ZNF677: variants seen among roughly 807,000 people sequenced by gnomAD.
ZNF677 encodes the protein hypothetical protein MGC48625.
ZNF677 carries 5 observed loss-of-function variants against 8.1 expected under a neutral mutation model. The ratio of observed to expected loss-of-function variants is 0.62; its 90% confidence interval spans 0.32 to 1.29. The LOEUF is 1.29. ZNF677 is among the 50% of genes most tolerant of loss of function. The pLI, the probability that ZNF677 is intolerant of heterozygous loss-of-function variation, is 0.05. For synonymous variants in ZNF677, 221 were observed against 225.6 expected (o/e 0.98, Z 0.18); for missense variants, 685 against 685.9 (o/e 1.00, Z 0.01).
chr19:53,242,247 A>G, intron 4 of ZNF677: 1 of 398,546 alleles, frequency 2.5e-6, no homozygotes, highest in Non-Finnish European at 4.4e-6. Context: ...GTGTATTTCA[A>G]AAGCAACTTT....
intron 4 of ZNF677, chr19:53,239,301 A>T (rs1416787231): frequency 6.6e-6 from 1 of 152,244 alleles, no homozygotes; most frequent in Non-Finnish European, 1.5e-5. Flanking sequence ...GAAATTCTAA[A>T]GAATTACTGC....
intron 4 of ZNF677, 65 bp downstream of exon 4, chr19:53,243,679 C>T (rs1200328757): frequency 1.2e-6 from 2 of 1,603,950 alleles, no homozygotes; most frequent in South Asian, 2.2e-5. Context: ...CGGATTCAGA[C>T]AAGCACATCA....
At chr19:53,248,879 T>C (rs1204361392) in intron 3 of ZNF677, among the ~76,000 whole-genome samples, 1 of 152,220 alleles carries the variant, frequency 6.6e-6, no homozygotes, top group Non-Finnish European at 1.5e-5. Flanking sequence ...TCTTCAAATA[T>C]TCTTTCTGCC....
At chr19:53,254,252 T>C (rs8107688) in intron 1 of ZNF677, among the ~76,000 whole-genome samples, 48,249 of 151,518 alleles carry the variant, frequency 0.32, 9,161 homozygotes, top group African/African-American at 0.52. Context: ...CTATAAATGT[T>C]TCTCTTCCAC....
chr19:53,238,007 ATATT>A lies in ZNF677; in HGVS notation c.716_719del (p.Lys239IlefsTer5). 6.2e-7 allele frequency: 1 copy of A among 1,613,478 alleles called. No individual in the cohort carries two copies. The highest frequency in any genetic ancestry group is 8.5e-7 in the Non-Finnish European group (1 of 1,179,834). On this transcript the variant is annotated frameshift_variant, in exon 5 of 5. Transcript: ENST00000598513. LOFTEE classifies it low-confidence loss of function (END_TRUNC). Reference sequence around the variant, plus strand: ...ATAAAGGGTATTTCAAAATCTTCCTATATTTATTACAAATGTTTTTGACACAAGG... The same window carrying A: ...ATAAAGGGTATTTCAAAATCTTCCTATATTACAAATGTTTTTGACACAAGG...
At chr19:53,246,089 C>A (rs557722684) in intron 3 of ZNF677, among the ~76,000 whole-genome samples, 1 of 152,044 alleles carries the variant, frequency 6.6e-6, no homozygotes, top group African/African-American at 2.4e-5. Flanking sequence ...AAGGCCAAGG[C>A]GGATGGATCA....
At chr19:53,250,689 G>A (rs2091220533) in intron 3 of ZNF677, among the ~76,000 whole-genome samples, 1 of 152,156 alleles carries the variant, frequency 6.6e-6, no homozygotes, top group South Asian at 2.1e-4. Context: ...GGTGGGAGGA[G>A]GGAGAGGATC....
rs753122503 is a variant in ZNF677 at position 53,237,271 on chromosome 19, G to A, written c.1456C>T (p.Pro486Ser). The change falls in exon 5 of 5, where the codon CCT becomes TCT. Residue 486 changes from proline (P) to serine (S), a missense_variant. Transcript: ENST00000598513. ...TTGCCACATTCAGTACATTTGTAAG[G>A]TTTCTCTCCAGTATGAGTTCTCTGA... ...GHQRTHTGEK[P>S]YKCTECGKAF... 37 of 1,613,628 alleles carry A rather than the reference G, an allele frequency of 2.3e-5. No individual in the cohort carries two copies. Among genetic ancestry groups the A allele is most frequent in the Non-Finnish European group, 3.1e-5 (36 of 1,179,924 alleles).
chr19:53,249,262 T>C (rs1336698493), intron 3 of ZNF677: 1 of 152,214 alleles, frequency 6.6e-6, no homozygotes. Flanking sequence ...TTTTAGTAAG[T>C]GTAATGTCTG....
rs1412026588 is a variant in ZNF677 at position 53,237,339 on chromosome 19, T to A, written c.1388A>T (p.Lys463Ile). The change falls in exon 5 of 5, where the codon AAA (lysine) becomes ATA (isoleucine). Residue 463 changes from lysine (K) to isoleucine (I), a missense_variant. Transcript: ENST00000598513. ...HTGEKPYKCN[K>I]CDKAFIKRSH... ...ACGTTTGATAAAAGCTTTATCACATTTATTACATTTGTAAGGTTTTTCTCC... is the reference window on the plus strand; with the variant it reads ...ACGTTTGATAAAAGCTTTATCACATATATTACATTTGTAAGGTTTTTCTCC... 5.0e-6 allele frequency: 8 copies of A among 1,613,718 alleles called. No homozygotes were observed. Among genetic ancestry groups the A allele is most frequent in the Non-Finnish European group, 6.8e-6 (8 of 1,179,962 alleles).
At chr19:53,242,056 C>T (rs1339180853) in intron 4 of ZNF677, 3 of 394,388 alleles carry the variant, frequency 7.6e-6, no homozygotes, top group Non-Finnish European at 1.3e-5. Context: ...CTCAGCCTCC[C>T]GAGCAGCTGG....
chr19:53,243,842 C>T lies in ZNF677; in HGVS notation c.71G>A (p.Cys24Tyr), dbSNP rs763968198. ...AIEFSQEEWE[C>Y]LDPAQRALYR... ...CAAGGCCCTCTGGGCAGGGTCCAGGCACTCCCACTCCTCTTGAGAGAATTC... is the reference window on the plus strand; with the variant it reads ...CAAGGCCCTCTGGGCAGGGTCCAGGTACTCCCACTCCTCTTGAGAGAATTC... Residue 24 changes from cysteine (C) to tyrosine (Y), a missense_variant, in exon 4 of 5, where the codon TGC becomes TAC. Coordinates refer to ENST00000598513, the MANE Select transcript of ZNF677 (RefSeq NM_182609.4). 7 of 1,613,228 alleles carry T rather than the reference C, an allele frequency of 4.3e-6. No individual in the cohort carries two copies. In the African/African-American group the frequency reaches 9.3e-5, roughly 22 times the overall value.
rs1042093440 is a variant in ZNF677, at chr19:53,254,854, G to A, written c.-147C>T. On this transcript the variant is annotated 5_prime_UTR_variant, in exon 1 of 5. Transcript: ENST00000598513. The stretch of plus-strand genomic sequence containing the variant: ...CTCACCCGAGAGCGCCAGTAGCCCC[G>A]CGAGATCCGCTTCCGGGTCGGCAGG... The A allele has an allele frequency of 1.3e-5, 2 of 152,654 alleles. No individual in the cohort carries two copies. The highest frequency in any genetic ancestry group is 2.9e-5 in the Non-Finnish European group (2 of 68,096). 9.5% of individuals were successfully genotyped at this position (152,654 alleles called of 1,614,324 possible).
chr19:53,239,361 T>G (rs575070693), intron 4 of ZNF677: 2 of 152,266 alleles, frequency 1.3e-5, no homozygotes, highest in African/African-American at 4.8e-5. Context: ...AAAAATAATA[T>G]GTTGAGAATC....
chr19:53,253,715 GC>G (rs2091270929), intron 1 of ZNF677, among the ~76,000 whole-genome samples: 1 of 151,874 alleles, frequency 6.6e-6, no homozygotes, highest in East Asian at 1.9e-4. Context: ...ATAAAAGAAA[GC>G]AAAAGAAAGC....
Position 53,251,587 on chromosome 19 carries a change from C to CT in ZNF677, c.-38dup, listed in dbSNP as rs760200482. Reference sequence around the variant, plus strand: ...CTTTCTTTCCTCTTCCTCTGAGTTTCTTTCTCAGGTAAGTCAGTCTGTATG... The same window carrying CT: ...CTTTCTTTCCTCTTCCTCTGAGTTTCTTTTCTCAGGTAAGTCAGTCTGTATG... On this transcript the variant is annotated 5_prime_UTR_variant, in exon 3 of 5. Transcript: ENST00000598513. 1.3e-5 allele frequency: 21 copies of CT among 1,613,324 alleles called. No homozygotes were observed. In the African/African-American group the frequency reaches 1.6e-4, roughly 12 times the overall value.
At chr19:53,248,782 A>T (rs1002209737) in intron 3 of ZNF677, among the ~76,000 whole-genome samples, 2 of 152,150 alleles carry the variant, frequency 1.3e-5, no homozygotes, top group East Asian at 3.9e-4. Context: ...GTGGATCTCT[A>T]TAAGTTTATC....
rs2090999860 is a variant in ZNF677 at position 53,238,391 on chromosome 19, A to G, written c.336T>C (p.Tyr112=). 6.2e-7 allele frequency: 1 copy of G among 1,613,794 alleles called. No individual in the cohort carries two copies. Among genetic ancestry groups the G allele is most frequent in the Non-Finnish European group, 8.5e-7 (1 of 1,179,896 alleles). ...GCATTCCTTTGTAATTTTTTACATCATAGTCCCACAGGCTGTCAAACTTAG... is the reference window on the plus strand; with the variant it reads ...GCATTCCTTTGTAATTTTTTACATCGTAGTCCCACAGGCTGTCAAACTTAG... ...NMPKFDSLWD[Y]DVKNYKGMPL... Residue 112 remains tyrosine (Y), a synonymous_variant, in exon 5 of 5, where the codon TAT becomes TAC. Transcript: ENST00000598513.
At chr19:53,246,263 A>C (rs1294036531) in intron 3 of ZNF677, among the ~76,000 whole-genome samples, 1 of 143,520 alleles carries the variant, frequency 7.0e-6, no homozygotes, top group African/African-American at 2.7e-5. Context: ...GCTTGCAGTG[A>C]GCCAAGATCG....
Sources: gnomAD v4.1 joint callset for allele counts (sites outside exome capture counted in the v4.1 genomes callset) on GRCh38, gnomAD v4.1.1 for gene constraint, MANE v1.5 for transcripts, NCBI Gene and HGNC (gene_info 2026-07-23, HGNC 2026-07-21) for gene names.